QRICH2: variants seen among roughly 807,000 people sequenced by gnomAD.
The protein encoded by QRICH2 is glutamine rich 2.
In QRICH2, 119 loss-of-function variants were observed where a neutral mutation model predicts 168.3. That is an observed-to-expected ratio of 0.71 (90% confidence interval 0.61 to 0.82). The LOEUF (loss-of-function observed/expected upper bound fraction) is 0.82. Ranked by LOEUF, QRICH2 falls within the 40% of genes least tolerant of loss-of-function variation. The probability of loss-of-function intolerance (pLI) is 0.00; values close to 1 mark genes in which losing one functional copy is unlikely to be tolerated. For missense variants in QRICH2, 2,241 were observed against 2,491.6 expected (o/e 0.90, Z 2.14); for synonymous variants, 894 against 951.2 (o/e 0.94, Z 1.11).
chr17:76,294,763 A>C (rs187952483), intron 3 of QRICH2, among the ~76,000 whole-genome samples: 1 of 149,944 alleles, frequency 6.7e-6, no homozygotes, highest in African/African-American at 2.5e-5. Context: ...CAGTGAGCCG[A>C]GATTGCACCA....
intron 17 of QRICH2, 49 bp downstream of exon 17, chr17:76,276,631 C>T: frequency 6.9e-7 from 1 of 1,445,108 alleles, no homozygotes; most frequent in Non-Finnish European, 9.7e-7. Context: ...TGGATGCACG[C>T]CCTGTGGGAC....
rs549937317 is a variant in QRICH2 at position 76,274,205 on chromosome 17, C to T, written c.5538G>A (p.Pro1846=). 1.9e-6 allele frequency: 3 copies of T among 1,595,386 alleles called. No individual in the cohort carries two copies. Among genetic ancestry groups the T allele is most frequent in the South Asian group, 2.3e-5 (2 of 88,574 alleles). ...CGGAGCTGGGCGGGTGGGCTGTGTT[C>T]GGCTGGGAGAGACGGCCCTCGGAGG... ...RPSSEGRLSQ[P]NTAHPPSSAA... The change falls in exon 19 of 19, where the codon CCG becomes CCA. Residue 1846 remains proline, a synonymous_variant. Transcript: ENST00000680821.
intron 3 of QRICH2, among the ~76,000 whole-genome samples, chr17:76,297,712 T>C (rs1325398964): frequency 1.3e-5 from 2 of 151,846 alleles, no homozygotes. Context: ...TTATTATGGC[T>C]ACACACACAC....
In QRICH2 at chr17:76,291,333, T is replaced by G. The variant is rs968542549; in HGVS notation, c.3394A>C (p.Asn1132His). 1.9e-6 allele frequency: 3 copies of G among 1,614,048 alleles called. No homozygotes were observed. Among genetic ancestry groups the G allele is most frequent in the Middle Eastern group, 1.6e-4 (1 of 6,084 alleles). Reference sequence around the variant, plus strand: ...TGTCGGTCCGAGGCTCGTGTTCTATTTGGATCCAAACCTTCCTGGCCATGC... The same window carrying G: ...TGTCGGTCCGAGGCTCGTGTTCTATGTGGATCCAAACCTTCCTGGCCATGC... Reference protein sequence around the residue: ...DQHGQEGLDPNRTRASDRHGI... With the variant: ...DQHGQEGLDPHRTRASDRHGI... The change falls in exon 4 of 19, where the codon AAT (asparagine) becomes CAT (histidine). Residue 1132 changes from asparagine to histidine, a missense_variant. By Grantham distance (68) the Asn-to-His change is moderately conservative. Around this residue, in one of 3 missense-constraint regions of QRICH2, gnomAD observed 2,047 missense variants for 2,303.8 expected, o/e 0.89. Transcript: ENST00000680821.
intron 6 of QRICH2, among the ~76,000 whole-genome samples, chr17:76,287,593 C>G (rs1311933493): frequency 6.6e-6 from 1 of 152,146 alleles, no homozygotes; most frequent in Admixed American, 6.5e-5. Flanking sequence ...TTTGCATTTC[C>G]AAGACCTGGT....
rs747083254 is a variant in QRICH2 at position 76,278,236 on chromosome 17, G to T, written c.4917-47C>A. The stretch of plus-strand genomic sequence containing the variant: ...GAGGGAGGGTTGGCCCATGGCGGGG[G>T]CCTTGACCTTGTGTAAGCCGAATCC... On this transcript the variant is annotated intron_variant, in intron 14 of 18. Transcript: ENST00000680821. The T allele has an allele frequency of 3.2e-6, 5 of 1,577,926 alleles. No individual in the cohort carries two copies. The South Asian group carries it at 4.4e-5, about 14-fold the overall frequency.
chr17:76,282,045 G>A lies in QRICH2; in HGVS notation c.4082C>T (p.Ala1361Val). 1.2e-6 allele frequency: 2 copies of A among 1,613,622 alleles called. No individual in the cohort carries two copies. Among genetic ancestry groups the A allele is most frequent in the African/African-American group, 1.3e-5 (1 of 75,064 alleles). The stretch of plus-strand genomic sequence containing the variant: ...AGCCAAGGTGTGGGCCTTGTGCGGG[G>A]CCATGCTCATGGACAGGAGCGTGGA... ...SSSTLLSMSM[A>V]PHKAHTLAPG... is the part of the protein sequence containing the mutation. Residue 1361 changes from alanine (A) to valine (V), a missense_variant, in exon 8 of 19, where the codon GCC becomes GTC. Around this residue, in one of 3 missense-constraint regions of QRICH2, gnomAD observed 2,047 missense variants for 2,303.8 expected, o/e 0.89. Transcript: ENST00000680821.
At chr17:76,276,609 C>T in intron 17 of QRICH2, 71 bp downstream of exon 17, 4 of 1,157,124 alleles carry the variant, frequency 3.5e-6, no homozygotes, top group Non-Finnish European at 3.8e-6. Context: ...ATAAAAGTGC[C>T]AGGCCCCACA....
intron 2 of QRICH2, 97 bp from the exon 3 acceptor site, chr17:76,304,622 C>T (rs2070960222): frequency 2.3e-6 from 2 of 853,970 alleles, no homozygotes; most frequent in Admixed American, 2.0e-5. Context: ...GTGGGTCCTT[C>T]ACAGCCCCAG....
chr17:76,284,224 C>T (rs1046800888), intron 7 of QRICH2, among the ~76,000 whole-genome samples: 10 of 138,706 alleles, frequency 7.2e-5, no homozygotes, highest in Non-Finnish European at 1.3e-4. Context: ...GACATGAACC[C>T]GCTTGGCCCA....
At position 76,287,210 on chromosome 17, in the gene QRICH2, G is replaced by A. The variant is rs1279690761; in HGVS notation, c.3993C>T (p.Ser1331=). 1 of 1,613,180 alleles carries A rather than the reference G, an allele frequency of 6.2e-7. No homozygotes were observed. Among genetic ancestry groups the A allele is most frequent in the Admixed American group, 1.7e-5 (1 of 59,974 alleles). The change falls in exon 7 of 19, where the codon TCC becomes TCT. Residue 1331 remains serine (S), a synonymous_variant. Transcript: ENST00000680821. The part of the protein sequence containing the change: ...AAMENSVSEA[S]LYLQDQLDKL... The stretch of plus-strand genomic sequence containing the variant: ...TCCTCACCTGGTCCTGCAGGTAAAG[G>A]GAGGCTTCAGAGACAGAATTTTCCA...
chr17:76,275,983 G>A lies in QRICH2; in HGVS notation c.5354-36C>T, dbSNP rs200644436. ...ACAGGAGGGAAGGGTCAGTGCTGAG[G>A]CAGCGGTGAGAGCTCTGTGGGAACC... is the stretch of plus-strand genomic sequence containing the variant. On this transcript the variant is annotated intron_variant, in intron 17 of 18. Coordinates refer to ENST00000680821, the MANE Select transcript of QRICH2 (RefSeq NM_001388453.1). 2.4e-5 allele frequency: 39 copies of A among 1,597,766 alleles called. No homozygotes were observed. In the Admixed American group the frequency reaches 5.0e-4, roughly 21 times the overall value.
chr17:76,290,033 C>T lies in QRICH2; in HGVS notation c.3757G>A (p.Val1253Ile), dbSNP rs369315473. 1.6e-4 allele frequency: 257 copies of T among 1,611,450 alleles called. No individual in the cohort carries two copies. Among genetic ancestry groups the T allele is most frequent in the Admixed American group, 3.5e-4 (21 of 59,944 alleles). The change falls in exon 5 of 19, where the codon GTA (valine) becomes ATA (isoleucine). Residue 1253 changes from valine to isoleucine, a missense_variant. Transcript: ENST00000680821. ...CAAACTTCTTTGGCTAGCGTCTTTACGGTCTTCAGCTGCTCCTGCAGTTCA... is the reference window on the plus strand; with the variant it reads ...CAAACTTCTTTGGCTAGCGTCTTTATGGTCTTCAGCTGCTCCTGCAGTTCA... Reference protein sequence around the residue: ...PPELQEQLKTVKTLAKEVWQE... With the variant: ...PPELQEQLKTIKTLAKEVWQE...
At position 76,290,025 on chromosome 17, in the gene QRICH2, C is replaced by A. The variant is rs4789274; in HGVS notation, c.3765G>T (p.Thr1255=). Reference sequence around the variant, plus strand: ...TCTCCTGCCAAACTTCTTTGGCTAGCGTCTTTACGGTCTTCAGCTGCTCCT... The same window carrying A: ...TCTCCTGCCAAACTTCTTTGGCTAGAGTCTTTACGGTCTTCAGCTGCTCCT... ...ELQEQLKTVK[T]LAKEVWQEKA... The change falls in exon 5 of 19, where the codon ACG becomes ACT. Residue 1255 remains threonine (T), a synonymous_variant. Transcript: ENST00000680821. The A allele has an allele frequency of 6.2e-7, 1 of 1,605,080 alleles. No homozygotes were observed. Among genetic ancestry groups the A allele is most frequent in the Non-Finnish European group, 8.5e-7 (1 of 1,173,404 alleles).
At position 76,294,615 on chromosome 17, in the gene QRICH2, C is replaced by A. The variant is rs184342032; in HGVS notation, c.706-594G>T. 3.4e-3 allele frequency among the ~76,000 whole-genome samples: 508 copies of A among 151,522 alleles called. 6 individuals are homozygous for A. The highest frequency in any genetic ancestry group is 0.025 in the South Asian group (118 of 4,808). On this transcript the variant is annotated intron_variant, in intron 3 of 18. Coordinates refer to ENST00000680821, the MANE Select transcript of QRICH2 (RefSeq NM_001388453.1). ...ATCATTTGAGGTCAGGACTTTGAGA[C>A]CTGCCTGGCCAACATGGCAAAACCC...
In QRICH2 at chr17:76,307,834, G is replaced by C; in HGVS notation, c.165C>G (p.Pro55=). Residue 55 remains proline (P), a synonymous_variant, in exon 1 of 19, where the codon CCC becomes CCG. Coordinates refer to ENST00000680821, the MANE Select transcript of QRICH2 (RefSeq NM_001388453.1). The surrounding 1 kb of genome is among the most constrained non-coding windows in gnomAD (Gnocchi z 5.3). The part of the protein sequence containing the change: ...NTRIDFQPSS[P]EPSRSLQSVR... ...CGGACTGCAGCGAGCGGCTGGGCTC[G>C]GGCGACGAGGGCTGGAAGTCGATCC... The C allele has an allele frequency of 7.8e-7, 1 of 1,286,132 alleles. No individual in the cohort carries two copies. Among genetic ancestry groups the C allele is most frequent in the Non-Finnish European group, 9.8e-7 (1 of 1,018,754 alleles). 79.7% of individuals were successfully genotyped at this position (1,286,132 alleles called of 1,614,324 possible). A position where few individuals can be genotyped will look rare whatever the true frequency, so the allele number is the denominator to read the frequency against.
At position 76,292,911 on chromosome 17, in the gene QRICH2, C is replaced by T. The variant is rs770152683; in HGVS notation, c.1816G>A (p.Asp606Asn). 12 of 1,602,736 alleles carry T rather than the reference C, an allele frequency of 7.5e-6. No homozygotes were observed. In the Admixed American group the frequency reaches 1.7e-4, roughly 23 times the overall value. Residue 606 changes from aspartate to asparagine, a missense_variant, in exon 4 of 19, where the codon GAT becomes AAT. Coordinates refer to ENST00000680821, the MANE Select transcript of QRICH2 (RefSeq NM_001388453.1). ...DQRGLVRPGM[D>N]QSGLAQPGAD... ...CCAGGTTGGGCCAAACCAGACTGAT[C>T]CATTCCAGGCCGGACCAAACCACGC...
intron 17 of QRICH2, 59 bp from the exon 18 acceptor site, chr17:76,276,006 AC>A (rs35617341): frequency 1.3e-6 from 2 of 1,580,450 alleles, no homozygotes; most frequent in Non-Finnish European, 8.6e-7. Flanking sequence ...CTCTGTGGGA[AC>A]CCCTGGGGGT....
In QRICH2 at chr17:76,275,521, C is replaced by T. The variant is rs113920043; in HGVS notation, c.5482+298G>A. 1.5e-3 allele frequency among the ~76,000 whole-genome samples: 234 copies of T among 152,360 alleles called. 1 individual carries two copies. The South Asian group carries it at 0.022, about 14-fold the overall frequency. ...ATGCAGAGCCCAGGCGCACGAGCTCCATGACAGTGAGTGCACGTGAGCAGG... is the reference window on the plus strand; with the variant it reads ...ATGCAGAGCCCAGGCGCACGAGCTCTATGACAGTGAGTGCACGTGAGCAGG... On this transcript the variant is annotated intron_variant, in intron 18 of 18. Coordinates refer to ENST00000680821, the MANE Select transcript of QRICH2 (RefSeq NM_001388453.1).
Sources: gnomAD v4.1 joint callset for allele counts (sites outside exome capture counted in the v4.1 genomes callset) on GRCh38, gnomAD v4.1.1 for gene constraint, gnomAD v4.1.1 regional missense constraint, Gnocchi (gnomAD v3.1) non-coding constraint, MANE v1.5 for transcripts, NCBI Gene and HGNC (gene_info 2026-07-23, HGNC 2026-07-21) for gene names.